The following CUL5 variants were observed in gnomAD, a reference collection of about 807,000 sequenced individuals.
CUL5 encodes cullin-5.
In CUL5, 26 loss-of-function variants were observed where a neutral mutation model predicts 108.8. The ratio of observed to expected loss-of-function variants is 0.24; its 90% CI spans 0.18 to 0.33. The LOEUF is 0.33. CUL5 is among the 10% of genes least tolerant of loss of function. The pLI is 1.00. For missense variants in CUL5, 524 were observed against 909.2 expected (o/e 0.58, Z 5.45); for synonymous variants, 334 against 298.0 (o/e 1.12, Z -1.25).
chr11:108,033,927 A>G lies in CUL5; in HGVS notation c.134+16A>G. 1 of 1,481,032 alleles carries G rather than the reference A, an allele frequency of 6.8e-7. No individual in the cohort carries two copies. The highest frequency in any genetic ancestry group is 9.3e-7 in the Non-Finnish European group (1 of 1,069,560). The allele number at this position is 1,481,032 out of a possible 1,614,324, so 91.7% of individuals were successfully genotyped here. On this transcript the variant is annotated intron_variant, in intron 2 of 18. Coordinates refer to ENST00000393094, the MANE Select transcript of CUL5 (RefSeq NM_003478.6). The stretch of plus-strand genomic sequence containing the variant: ...ATCTGTTTTCGTAAGTACCCCACTA[A>G]TTCTGTTTGCTAGCATAAAGGAAAT...
At chr11:108,083,898 T>C (rs1248206583) in intron 11 of CUL5, among the ~76,000 whole-genome samples, 1 of 152,210 alleles carries the variant, frequency 6.6e-6, no homozygotes, top group Non-Finnish European at 1.5e-5. Context: ...TGTCCAACCC[T>C]GCGGGCTGCA....
chr11:108,022,387 A>G (rs1251911785), intron 1 of CUL5, among the ~76,000 whole-genome samples: 1 of 152,204 alleles, frequency 6.6e-6, no homozygotes, highest in Non-Finnish European at 1.5e-5. Context: ...ATTTTTTAAC[A>G]TGATAACAAA....
At chr11:108,011,818 G>T (rs1454695036) in intron 1 of CUL5, among the ~76,000 whole-genome samples, 1 of 152,132 alleles carries the variant, frequency 6.6e-6, no homozygotes, top group African/African-American at 2.4e-5. Context: ...AGTAGAGACA[G>T]GGTTTCACCA....
chr11:108,093,051 G>C (rs1864396051), intron 13 of CUL5, among the ~76,000 whole-genome samples: 1 of 152,028 alleles, frequency 6.6e-6, no homozygotes, highest in African/African-American at 2.4e-5. Context: ...CCTGACCTCA[G>C]GTGATCCACC....
At chr11:108,029,660 T>C (rs1298396384) in intron 1 of CUL5, among the ~76,000 whole-genome samples, 1 of 152,240 alleles carries the variant, frequency 6.6e-6, no homozygotes, top group Non-Finnish European at 1.5e-5. Context: ...TACTTGAGCA[T>C]CATTTTTGGA....
intron 10 of CUL5, among the ~76,000 whole-genome samples, chr11:108,074,720 T>G (rs1444989249): frequency 1.3e-5 from 2 of 151,962 alleles, no homozygotes; most frequent in Non-Finnish European, 2.9e-5. Context: ...GCAGGAGAAT[T>G]GCTTGAACCC....
chr11:108,044,023 C>CTAAA (rs1339531104), intron 2 of CUL5, among the ~76,000 whole-genome samples: 4 of 152,044 alleles, frequency 2.6e-5, no homozygotes, highest in East Asian at 1.9e-4. Context: ...AACTCCATCT[C>CTAAA]TAAATAAATA....
intron 1 of CUL5, among the ~76,000 whole-genome samples, chr11:108,017,389 CAAA>C (rs71840119): frequency 0.22 from 22,676 of 102,616 alleles, 1,988 homozygotes; most frequent in East Asian, 0.41. Context: ...GACCCTGTCT[CAAA>C]AAAAAAAAAA....
chr11:108,040,881 C>T (rs1201274479), intron 2 of CUL5, among the ~76,000 whole-genome samples: 1 of 152,152 alleles, frequency 6.6e-6, no homozygotes, highest in Non-Finnish European at 1.5e-5. Flanking sequence ...TACCAAATCC[C>T]TTCTAAATTT....
intron 2 of CUL5, among the ~76,000 whole-genome samples, chr11:108,039,390 TCC>T (rs1254316185): frequency 1.3e-5 from 2 of 152,168 alleles, no homozygotes; most frequent in Non-Finnish European, 2.9e-5. Flanking sequence ...TGTGTCTTTC[TCC>T]CCACCTTGCA....
Position 108,054,883 on chromosome 11 carries a change from T to C in CUL5, c.708T>C (p.Ala236=). 6.2e-7 allele frequency: 1 copy of C among 1,608,238 alleles called. No homozygotes were observed. The highest frequency in any genetic ancestry group is 1.1e-5 in the South Asian group (1 of 89,124). ...GVQNYMKYAD[A]KLKEEEKRAL... ...ATTTTGCTTCTGGACAGGCAGATGC[T>C]AAATTAAAAGAAGAAGAAAAACGAG... Residue 236 remains alanine, a synonymous_variant, in exon 7 of 19, where the codon GCT becomes GCC. Transcript: ENST00000393094.
chr11:108,097,170 C>G lies in CUL5; in HGVS notation c.1906-466C>G, dbSNP rs148600686. Among the ~76,000 whole-genome samples the G allele has an allele frequency of 5.9e-5, 9 of 152,240 alleles. No homozygotes were observed. In the East Asian group the frequency reaches 1.6e-3, roughly 26 times the overall value. ...GTAGCTGGGACTACAGGTGCATGCCCCACGCTGGCTAATTTTTGTATTTTC... is the reference window on the plus strand; with the variant it reads ...GTAGCTGGGACTACAGGTGCATGCCGCACGCTGGCTAATTTTTGTATTTTC... On this transcript the variant is annotated intron_variant, in intron 16 of 18. Transcript: ENST00000393094.
At chr11:108,064,389 A>G (rs1237214184) in intron 7 of CUL5, among the ~76,000 whole-genome samples, 1 of 152,138 alleles carries the variant, frequency 6.6e-6, no homozygotes, top group Non-Finnish European at 1.5e-5. Flanking sequence ...GTCATGATGA[A>G]TGATTTCTTT....
chr11:108,100,140 C>G (rs753935924), intron 18 of CUL5, among the ~76,000 whole-genome samples: 1 of 150,986 alleles, frequency 6.6e-6, no homozygotes, highest in Non-Finnish European at 1.5e-5. Context: ...GATTGAGAAA[C>G]TTAAAAAAAT....
At chr11:108,087,410 A>C (rs926550093) in intron 11 of CUL5, among the ~76,000 whole-genome samples, 13 of 152,232 alleles carry the variant, frequency 8.5e-5, no homozygotes, top group African/African-American at 3.1e-4. Context: ...AAGCACAAGA[A>C]ATTTCAAAAT....
intron 2 of CUL5, among the ~76,000 whole-genome samples, chr11:108,035,408 T>C (rs1425810026): frequency 6.6e-6 from 1 of 152,128 alleles, no homozygotes; most frequent in African/African-American, 2.4e-5. Flanking sequence ...TTTCATAGTT[T>C]CTGGCTCCAC....
intron 7 of CUL5, among the ~76,000 whole-genome samples, chr11:108,063,367 C>A (rs540772135): frequency 6.6e-6 from 1 of 152,142 alleles, no homozygotes; most frequent in South Asian, 2.1e-4. Flanking sequence ...CATGTTGTTG[C>A]AAATGGCAGG....
chr11:108,011,946 G>T (rs148482180), intron 1 of CUL5, among the ~76,000 whole-genome samples: 1 of 152,062 alleles, frequency 6.6e-6, no homozygotes, highest in Non-Finnish European at 1.5e-5. Flanking sequence ...TTTAATATTG[G>T]AATTTGACTC....
intron 1 of CUL5, among the ~76,000 whole-genome samples, 154 bp downstream of exon 1, chr11:108,009,526 C>G (rs1862006191): frequency 6.6e-6 from 1 of 152,056 alleles, no homozygotes; most frequent in South Asian, 2.1e-4. Flanking sequence ...AGTACCGGAA[C>G]GCGGGTCTGT....
Sources: allele counts gnomAD v4.1 joint callset (sites outside exome capture counted in the v4.1 genomes callset), GRCh38; gene constraint gnomAD v4.1.1; transcripts MANE v1.5; gene names NCBI Gene and HGNC (gene_info 2026-07-23, HGNC 2026-07-21).